Variants in PHACTR3 observed in about 807,000 individuals in gnomAD.
PHACTR3 encodes phosphatase and actin regulator 3.
In PHACTR3, 16 loss-of-function variants were observed where a neutral mutation model predicts 66.8. That is an observed-to-expected ratio of 0.24 (90% CI 0.16 to 0.36). The LOEUF (loss-of-function observed/expected upper bound fraction) is 0.36. Ranked by LOEUF, PHACTR3 falls within the 10% of genes least tolerant of loss-of-function variation. The pLI, the probability that PHACTR3 is intolerant of heterozygous loss-of-function variation, is 1.00. For missense variants in PHACTR3, 647 were observed against 719.9 expected (o/e 0.90, Z 1.16); for synonymous variants, 323 against 292.1 (o/e 1.11, Z -1.08).
At chr20:59,589,674 C>G (rs1190493957) in intron 1 of PHACTR3, among the ~76,000 whole-genome samples, 1 of 152,174 alleles carries the variant, frequency 6.6e-6, no homozygotes, top group Admixed American at 6.5e-5. Flanking sequence ...AAACAACTCT[C>G]TTAAGTATAT....
intron 8 of PHACTR3, among the ~76,000 whole-genome samples, chr20:59,831,529 G>A (rs578162555): frequency 1.9e-4 from 29 of 152,208 alleles, no homozygotes; most frequent in Non-Finnish European, 3.1e-4. Flanking sequence ...GCACCAGGAC[G>A]TCACCAGCAG....
intron 1 of PHACTR3, among the ~76,000 whole-genome samples, chr20:59,657,789 T>G (rs901067625): frequency 2.0e-5 from 3 of 152,122 alleles, no homozygotes; most frequent in Non-Finnish European, 4.4e-5. Context: ...GCAGGTCTCT[T>G]TGCATTTATA....
chr20:59,717,381 T>C (rs1364754477), intron 1 of PHACTR3, among the ~76,000 whole-genome samples: 1 of 152,232 alleles, frequency 6.6e-6, no homozygotes, highest in Non-Finnish European at 1.5e-5. Context: ...TAAACTAGAA[T>C]ATACACACCT....
intron 1 of PHACTR3, among the ~76,000 whole-genome samples, chr20:59,720,529 AC>A (rs1023671682): frequency 6.6e-6 from 1 of 151,836 alleles, no homozygotes; most frequent in African/African-American, 2.4e-5. Flanking sequence ...GCTTGACTCT[AC>A]CCTCTGAGTG....
At chr20:59,687,502 A>G (rs1194123598) in intron 1 of PHACTR3, among the ~76,000 whole-genome samples, 5 of 152,194 alleles carry the variant, frequency 3.3e-5, no homozygotes, top group Admixed American at 3.3e-4. Context: ...AGACTCATGA[A>G]CTTTACTGAA....
At chr20:59,771,178 G>A (rs1038648483) in intron 5 of PHACTR3, among the ~76,000 whole-genome samples, 4 of 152,196 alleles carry the variant, frequency 2.6e-5, no homozygotes, top group Admixed American at 1.3e-4. Context: ...GGCAAACCAC[G>A]CTGCCTCAGT....
intron 1 of PHACTR3, among the ~76,000 whole-genome samples, chr20:59,741,421 C>T (rs910051411): frequency 2.0e-5 from 3 of 152,170 alleles, no homozygotes; most frequent in East Asian, 3.9e-4. Flanking sequence ...GAGGTTAAAT[C>T]GGAGCCTGGT....
intron 1 of PHACTR3, among the ~76,000 whole-genome samples, chr20:59,598,779 A>C (rs2033394649): frequency 6.6e-6 from 1 of 151,862 alleles, no homozygotes; most frequent in African/African-American, 2.4e-5. Context: ...AGGTCCAAGG[A>C]CCATTCCCAC....
intron 1 of PHACTR3, among the ~76,000 whole-genome samples, chr20:59,724,917 G>GCCC (rs1367373985): frequency 6.6e-6 from 1 of 151,034 alleles, no homozygotes; most frequent in East Asian, 2.0e-4. Context: ...GTGGGTGTGA[G>GCCC]CCCAGGTAAG....
chr20:59,633,734 T>C (rs1284359127), intron 1 of PHACTR3, among the ~76,000 whole-genome samples: 1 of 152,202 alleles, frequency 6.6e-6, no homozygotes, highest in African/African-American at 2.4e-5. Context: ...GAAAAGGTAT[T>C]CTCAGGAGCT....
intron 1 of PHACTR3, among the ~76,000 whole-genome samples, chr20:59,615,473 AG>A (rs1298259801): frequency 6.6e-6 from 1 of 152,240 alleles, no homozygotes. Flanking sequence ...GTAAAATGAC[AG>A]GGCACATATG....
intron 1 of PHACTR3, among the ~76,000 whole-genome samples, chr20:59,719,354 A>G (rs2038208047): frequency 6.6e-6 from 1 of 152,088 alleles, no homozygotes; most frequent in South Asian, 2.1e-4. Context: ...TAGTAGAGAC[A>G]GGGTTTTACC....
At chr20:59,731,967 A>T (rs186334552) in intron 1 of PHACTR3, among the ~76,000 whole-genome samples, 1 of 152,278 alleles carries the variant, frequency 6.6e-6, no homozygotes, top group East Asian at 1.9e-4. Flanking sequence ...TATTGCTCAA[A>T]CTATTTGACA....
At chr20:59,768,390 C>T (rs2040253217) in intron 5 of PHACTR3, among the ~76,000 whole-genome samples, 1 of 152,138 alleles carries the variant, frequency 6.6e-6, no homozygotes, top group South Asian at 2.1e-4. Flanking sequence ...TCAATAATTG[C>T]CATTTGCTGG....
At chr20:59,803,525 T>A (rs374513071) in intron 7 of PHACTR3, among the ~76,000 whole-genome samples, 6 of 152,252 alleles carry the variant, frequency 3.9e-5, no homozygotes, top group Admixed American at 3.3e-4. Context: ...TTTATTTTAA[T>A]ATATATTTAC....
At chr20:59,588,554 A>G (rs569426311) in intron 1 of PHACTR3, among the ~76,000 whole-genome samples, 29 of 152,218 alleles carry the variant, frequency 1.9e-4, no homozygotes, top group Non-Finnish European at 4.0e-4. Context: ...GATAAAATCC[A>G]CGCTTCTACT....
intron 1 of PHACTR3, among the ~76,000 whole-genome samples, chr20:59,618,481 G>A (rs536927168): frequency 7.9e-5 from 12 of 152,336 alleles, no homozygotes; most frequent in African/African-American, 2.6e-4. Flanking sequence ...AGCCACAGAT[G>A]GTGGGGCCTG....
chr20:59,847,058 AT>A, intron 12 of PHACTR3, 56 bp from the exon 13 acceptor site: 1 of 1,288,248 alleles, frequency 7.8e-7, no homozygotes, highest in South Asian at 1.3e-5. Context: ...GTTTTTGGCT[AT>A]TTTAACTGCT....
At chr20:59,764,455 T>C (rs982732074) in intron 4 of PHACTR3, among the ~76,000 whole-genome samples, 5 of 152,130 alleles carry the variant, frequency 3.3e-5, no homozygotes, top group African/African-American at 1.2e-4. Context: ...TTCCCCACCA[T>C]GGTTTCATGT....
Sources: allele counts gnomAD v4.1 joint callset (sites outside exome capture counted in the v4.1 genomes callset), GRCh38; gene constraint gnomAD v4.1.1; transcripts MANE v1.5; gene names NCBI Gene and HGNC (gene_info 2026-07-23, HGNC 2026-07-21).